Variants in DNA2 observed in about 807,000 individuals in gnomAD.
DNA2 encodes DNA replication ATP-dependent helicase/nuclease DNA2.
In DNA2, 101 loss-of-function variants were observed where a neutral mutation model predicts 119.1. The observed-to-expected ratio is 0.85, with a 90% CI of 0.72 to 1.00. The LOEUF (loss-of-function observed/expected upper bound fraction) is 1.00. DNA2 is among the 50% of genes least tolerant of loss of function. The probability of loss-of-function intolerance (pLI) is 0.00; values close to 1 mark genes in which losing one functional copy is unlikely to be tolerated. For missense variants in DNA2, 1,121 were observed against 1,255.5 expected (o/e 0.89, Z 1.62); for synonymous variants, 366 against 424.4 (o/e 0.86, Z 1.69).
Position 68,416,968 on chromosome 10 carries a change from G to C in DNA2, c.2968-113C>G, listed in dbSNP as rs548518635. 27 of 895,332 alleles carry C rather than the reference G, an allele frequency of 3.0e-5. No individual in the cohort carries two copies. In the South Asian group the frequency reaches 5.1e-4, roughly 17 times the overall value. The allele number at this position is 895,332 out of a possible 1,614,324, so 55.5% of individuals were successfully genotyped here. On this transcript the variant is annotated intron_variant, in intron 19 of 20. Transcript: ENST00000358410. ...AAATTTAAGAATAGAATGAGGCCAG[G>C]TGTAGTGGCTCATGCCTGTAATCCC... is the stretch of plus-strand genomic sequence containing the variant.
rs764074144 is a variant in DNA2, at chr10:68,470,025, T to C, written c.213A>G (p.Ser71=). 15 of 1,612,740 alleles carry C rather than the reference T, an allele frequency of 9.3e-6. No homozygotes were observed. Among genetic ancestry groups the C allele is most frequent in the Non-Finnish European group, 1.3e-5 (15 of 1,179,672 alleles). ...ATAGTTCTTTATTTTCTAGTGACTG[T>C]GAAGCAGTGATGACCAGGCGCTTTT... The part of the protein sequence containing the change: ...NCEKRLVITA[S]QSLENKELCI... The change falls in exon 2 of 21, where the codon TCA becomes TCG. Residue 71 remains serine (S), a synonymous_variant. Coordinates refer to ENST00000358410, the MANE Select transcript of DNA2 (RefSeq NM_001080449.3).
chr10:68,454,020 G>A (rs2052153267), intron 5 of DNA2, among the ~76,000 whole-genome samples: 1 of 152,148 alleles, frequency 6.6e-6, no homozygotes, highest in Non-Finnish European at 1.5e-5. Flanking sequence ...CATCTGTGAT[G>A]CCCTTCTTCC....
intron 14 of DNA2, among the ~76,000 whole-genome samples, chr10:68,426,755 C>G (rs1050865477): frequency 2.0e-5 from 3 of 151,778 alleles, no homozygotes; most frequent in Non-Finnish European, 4.4e-5. Flanking sequence ...AGGAGAATGG[C>G]GTGAACCCGG....
chr10:68,428,378 C>T (rs1047095566), intron 14 of DNA2, among the ~76,000 whole-genome samples: 16 of 151,484 alleles, frequency 1.1e-4, no homozygotes, highest in African/African-American at 3.6e-4. Context: ...CACTCATACA[C>T]GTGAAATGTT....
At chr10:68,431,819 G>T in intron 13 of DNA2, 43 bp downstream of exon 13, 1 of 1,327,366 alleles carries the variant, frequency 7.5e-7, no homozygotes. Flanking sequence ...AGGAGAAGCT[G>T]ATACAAATAT....
Position 68,446,286 on chromosome 10 carries a change from A to G in DNA2, c.1057+10T>C, listed in dbSNP as rs753890300. On this transcript the variant is annotated intron_variant, in intron 7 of 20. Coordinates refer to ENST00000358410, the MANE Select transcript of DNA2 (RefSeq NM_001080449.3). ...GCAAAGAAGTAAAACTAAAAAAAAA[A>G]CGGCTCAACCTCTTTTATCTAGATG... The G allele has an allele frequency of 3.3e-5, 50 of 1,500,046 alleles. No homozygotes were observed. Among genetic ancestry groups the G allele is most frequent in the Non-Finnish European group, 4.2e-5 (47 of 1,108,374 alleles). The allele number at this position is 1,500,046 out of a possible 1,614,324, so 92.9% of individuals were successfully genotyped here.
At position 68,421,182 on chromosome 10, in the gene DNA2, C is replaced by T. The variant is rs142623993; in HGVS notation, c.2697+1043G>A. The stretch of plus-strand genomic sequence containing the variant: ...GAACTCCTGACCCCAGTGATCCACC[C>T]CCCTCGGCCTCCCAAAGTACTGGGA... On this transcript the variant is annotated intron_variant, in intron 17 of 20. Transcript: ENST00000358410. Among the ~76,000 whole-genome samples the T allele has an allele frequency of 4.5e-3, 687 of 152,110 alleles. 8 individuals carry two copies. Among genetic ancestry groups the T allele is most frequent in the African/African-American group, 0.016 (645 of 41,486 alleles).
At chr10:68,449,973 CAAAAAAA>C in intron 6 of DNA2, 48 bp downstream of exon 6, 2 of 974,568 alleles carry the variant, frequency 2.1e-6, no homozygotes, top group Middle Eastern at 3.5e-4. Context: ...GACTCTGTCT[CAAAAAAA>C]AAAAAAAAAA....
chr10:68,470,472 G>A (rs777458894), intron 1 of DNA2: 2 of 362,032 alleles, frequency 5.5e-6, no homozygotes, highest in African/African-American at 2.1e-5. Flanking sequence ...CTGGAAGCCA[G>A]GCATGATGGC....
chr10:68,425,487 C>T (rs1590049979), intron 14 of DNA2, among the ~76,000 whole-genome samples: 2 of 151,454 alleles, frequency 1.3e-5, no homozygotes, highest in African/African-American at 2.4e-5. Flanking sequence ...CCGCAAGCTC[C>T]GCCTCCCCGG....
At chr10:68,428,923 CA>C in intron 14 of DNA2, among the ~76,000 whole-genome samples, 1 of 152,208 alleles carries the variant, frequency 6.6e-6, no homozygotes, top group South Asian at 2.1e-4. Context: ...CATTGTACTA[CA>C]GACTTGCAAG....
In DNA2 at chr10:68,419,954, A is replaced by G. The variant is rs879094010; in HGVS notation, c.2698-62T>C. ...TCTCTAAAGAGTACTATAAGTACGC[A>G]ACTGGCCATAAAGACTATACTACCG... is the stretch of plus-strand genomic sequence containing the variant. On this transcript the variant is annotated intron_variant, in intron 17 of 20. Transcript: ENST00000358410. The G allele has an allele frequency of 1.2e-4, 162 of 1,385,198 alleles. 4 individuals carry two copies. The South Asian group carries it at 1.8e-3, about 15-fold the overall frequency. The allele number at this position is 1,385,198 out of a possible 1,614,324, so 85.8% of individuals were successfully genotyped here. A position where few individuals can be genotyped will look rare whatever the true frequency, so the allele number is the denominator to read the frequency against.
At chr10:68,419,505 T>C (rs531134938) in intron 18 of DNA2, 1 of 514,532 alleles carries the variant, frequency 1.9e-6, no homozygotes, top group South Asian at 2.8e-5. Flanking sequence ...GAAATACATT[T>C]CACCTTCTGC....
In DNA2 at chr10:68,468,199, T is replaced by C. The variant is rs781379208; in HGVS notation, c.365A>G (p.Asp122Gly). Residue 122 changes from aspartate (D) to glycine (G), a missense_variant, in exon 3 of 21, where the codon GAC becomes GGC. Asp to Gly is a moderately conservative substitution (Grantham distance 94). Transcript: ENST00000358410. ...TATGCTGGTGCCAGAAATCAGCATG[T>C]CTGGATACAGAATCAAATATCCAAA... is the stretch of plus-strand genomic sequence containing the variant. ...KDFGYLILYPDMLISGTSIAS... is the reference protein window; with the variant it reads ...KDFGYLILYPGMLISGTSIAS... The C allele has an allele frequency of 1.2e-5, 20 of 1,612,444 alleles. No homozygotes were observed. The highest frequency in any genetic ancestry group is 8.5e-7 in the Non-Finnish European group (1 of 1,179,424).
At chr10:68,448,962 T>TGTGC (rs1554907477) in intron 6 of DNA2, among the ~76,000 whole-genome samples, 9 of 104,280 alleles carry the variant, frequency 8.6e-5, no homozygotes, top group African/African-American at 3.1e-4. Context: ...TGTGTGTGTG[T>TGTGC]GTGTGCGTGT....
chr10:68,448,640 T>C (rs1423303187), intron 6 of DNA2, among the ~76,000 whole-genome samples: 1 of 152,214 alleles, frequency 6.6e-6, no homozygotes, highest in Non-Finnish European at 1.5e-5. Flanking sequence ...CTTGCACTTC[T>C]TGCAAAAATA....
At chr10:68,445,824 C>G (rs2052031350) in intron 7 of DNA2, among the ~76,000 whole-genome samples, 1 of 151,998 alleles carries the variant, frequency 6.6e-6, no homozygotes, top group Non-Finnish European at 1.5e-5. Context: ...TATTAAAATT[C>G]TTTTAAAAAA....
Position 68,422,178 on chromosome 10 carries a change from A to G in DNA2, c.2697+47T>C, listed in dbSNP as rs756216293. The G allele has an allele frequency of 2.8e-6, 4 of 1,408,762 alleles. No individual in the cohort carries two copies. The South Asian group carries it at 5.9e-5, about 21-fold the overall frequency. The allele number at this position is 1,408,762 out of a possible 1,614,324, so 87.3% of individuals were successfully genotyped here. ...TGCTAATGAAAACTGAGAAATTTAA[A>G]TAATAGGACAAAATGAGAAAAACTA... On this transcript the variant is annotated intron_variant, in intron 17 of 20. Transcript: ENST00000358410.
chr10:68,442,467 G>T lies in DNA2; in HGVS notation c.1415+450C>A, dbSNP rs183096674. On this transcript the variant is annotated intron_variant, in intron 9 of 20. Coordinates refer to ENST00000358410, the MANE Select transcript of DNA2 (RefSeq NM_001080449.3). ...AATGGCAGGATCTTGGTTGACTGCA[G>T]CCTCCGCCTCCCAGGTTCAAGCGAT... 7.9e-3 allele frequency among the ~76,000 whole-genome samples: 1,190 copies of T among 151,446 alleles called. 22 individuals are homozygous for T. The highest frequency in any genetic ancestry group is 0.028 in the African/African-American group (1,144 of 41,258).
Sources: gnomAD v4.1 joint callset for allele counts (sites outside exome capture counted in the v4.1 genomes callset) on GRCh38, gnomAD v4.1.1 for gene constraint, MANE v1.5 for transcripts, NCBI Gene and HGNC (gene_info 2026-07-23, HGNC 2026-07-21) for gene names.